The following OGFOD3 variants were observed in gnomAD, a reference collection of about 807,000 sequenced individuals.
The protein encoded by OGFOD3 is 2-oxoglutarate and iron-dependent oxygenase domain-containing protein 3.
OGFOD3 carries 35 observed loss-of-function variants against 39.8 expected under a neutral mutation model. The observed-to-expected ratio is 0.88, with a 90% CI of 0.67 to 1.17. The LOEUF (loss-of-function observed/expected upper bound fraction) is 1.17, where lower values mean the gene tolerates loss of function less well. Among genes scored for constraint, OGFOD3 ranks in the 50% most tolerant of loss-of-function variants. The probability of loss-of-function intolerance (pLI) is 0.00; values close to 1 mark genes in which losing one functional copy is unlikely to be tolerated. For missense variants in OGFOD3, 438 were observed against 454.5 expected (o/e 0.96, Z 0.33); for synonymous variants, 200 against 192.0 (o/e 1.04, Z -0.34).
chr17:82,411,410 C>G, intron 3 of OGFOD3, 45 bp downstream of exon 3: 1 of 1,555,214 alleles, frequency 6.4e-7, no homozygotes, highest in Non-Finnish European at 8.9e-7. Context: ...CCCCACTCCG[C>G]GTGTGTTTGT....
chr17:82,397,405 G>C (rs1177426290), intron 8 of OGFOD3, among the ~76,000 whole-genome samples: 2 of 122,574 alleles, frequency 1.6e-5, no homozygotes, highest in African/African-American at 3.0e-5. Context: ...AGGCAGCGGG[G>C]GGGGGGGGGT....
Position 82,404,060 on chromosome 17 carries a change from A to G in OGFOD3, c.576T>C (p.Ile192=). 1 of 1,607,322 alleles carries G rather than the reference A, an allele frequency of 6.2e-7. No homozygotes were observed. ...ATGCGCTGATGCCAAAAGCCTCAGC[A>G]ATGGTGAGCTGGACCTTCTGCCGCA... ...REVRQKVQLT[I]AEAFGISASS... The change falls in exon 7 of 9, where the codon ATT becomes ATC. Residue 192 remains isoleucine (I), a synonymous_variant. Transcript: ENST00000313056. The surrounding 1 kb of genome is among the most constrained non-coding windows in gnomAD (Gnocchi z 4.5).
intron 1 of OGFOD3, among the ~76,000 whole-genome samples, chr17:82,416,498 C>T (rs190860148): frequency 9.7e-4 from 147 of 152,062 alleles, no homozygotes; most frequent in African/African-American, 3.4e-3. Context: ...CCATCAGGGC[C>T]GCACTCCCTC....
At chr17:82,411,836 G>A (rs1312574422) in intron 2 of OGFOD3, 1 of 400,612 alleles carries the variant, frequency 2.5e-6, no homozygotes, top group African/African-American at 2.1e-5. Flanking sequence ...AACCATCACT[G>A]ACTGCAGGTC....
At position 82,418,469 on chromosome 17, in the gene OGFOD3, C is replaced by T; in HGVS notation, c.17G>A (p.Arg6Lys). 1 of 1,471,812 alleles carries T rather than the reference C, an allele frequency of 6.8e-7. No individual in the cohort carries two copies. The highest frequency in any genetic ancestry group is 9.0e-7 in the Non-Finnish European group (1 of 1,117,168). The allele number at this position is 1,471,812 out of a possible 1,614,324, so 91.2% of individuals were successfully genotyped here. A position where few individuals can be genotyped will look rare whatever the true frequency, so the allele number is the denominator to read the frequency against. Reference protein sequence around the residue: MAPQRRAATKAPEGNG... With the variant: MAPQRKAATKAPEGNG... Reference sequence around the variant, plus strand: ...GCCCTCGGGCGCCTTGGTTGCGGCCCTCCGCTGAGGAGCCATCGGACCAGG... The same window carrying T: ...GCCCTCGGGCGCCTTGGTTGCGGCCTTCCGCTGAGGAGCCATCGGACCAGG... The change falls in exon 1 of 9, where the codon AGG (arginine) becomes AAG (lysine). Residue 6 changes from arginine (R) to lysine (K), a missense_variant. Arg to Lys is a conservative substitution (Grantham distance 26). Coordinates refer to ENST00000313056, the MANE Select transcript of OGFOD3 (RefSeq NM_024648.3).
chr17:82,413,583 T>G (rs1567875318), intron 2 of OGFOD3, among the ~76,000 whole-genome samples: 1 of 152,020 alleles, frequency 6.6e-6, no homozygotes, highest in Non-Finnish European at 1.5e-5. Flanking sequence ...ATAATAAAAA[T>G]TAGAGGCCAG....
At chr17:82,418,342 G>A in intron 1 of OGFOD3, 70 bp downstream of exon 1, 1 of 552,580 alleles carries the variant, frequency 1.8e-6, no homozygotes, top group Non-Finnish European at 2.6e-6. Context: ...CGCCCCATCA[G>A]CCCCAGTCCC....
intron 1 of OGFOD3, among the ~76,000 whole-genome samples, chr17:82,417,920 C>G (rs915709404): frequency 1.3e-5 from 2 of 152,158 alleles, no homozygotes; most frequent in African/African-American, 4.8e-5. Flanking sequence ...CTAATACCTG[C>G]AAACCAATGA....
intron 8 of OGFOD3, chr17:82,396,665 G>A (rs949314821): frequency 6.6e-6 from 1 of 152,174 alleles, no homozygotes; most frequent in Non-Finnish European, 1.5e-5. Flanking sequence ...GTGTAATTTC[G>A]AGTCCCAGGA....
chr17:82,403,910 G>A (rs1488525216), intron 7 of OGFOD3, 27 bp downstream of exon 7: 3 of 1,575,014 alleles, frequency 1.9e-6, no homozygotes, highest in East Asian at 2.3e-5. Context: ...CCACGGGCAC[G>A]CTCACCCTGC....
At chr17:82,403,772 G>A in intron 7 of OGFOD3, 165 bp downstream of exon 7, 2 of 880,930 alleles carry the variant, frequency 2.3e-6, no homozygotes, top group Non-Finnish European at 1.8e-6. Context: ...CGCTCACCCT[G>A]CCCACGTGCG....
chr17:82,408,401 G>A (rs969291654), intron 4 of OGFOD3, among the ~76,000 whole-genome samples: 3 of 152,154 alleles, frequency 2.0e-5, no homozygotes, highest in African/African-American at 7.2e-5. Flanking sequence ...TGAGGAAACC[G>A]CATGGGAATT....
intron 2 of OGFOD3, among the ~76,000 whole-genome samples, chr17:82,414,054 C>A (rs1023562853): frequency 2.6e-5 from 4 of 152,192 alleles, no homozygotes; most frequent in Admixed American, 1.3e-4. Context: ...ACCTCCAGAA[C>A]TTTTCCACCT....
chr17:82,394,356 A>C, intron 8 of OGFOD3: 2 of 1,573,980 alleles, frequency 1.3e-6, no homozygotes, highest in South Asian at 1.2e-5. Context: ...AGGACTCAGC[A>C]CGGCAACCAA....
At chr17:82,418,377 G>A (rs1255445504) in intron 1 of OGFOD3, 35 bp downstream of exon 1, 32 of 1,390,338 alleles carry the variant, frequency 2.3e-5, no homozygotes, top group Non-Finnish European at 2.7e-5. Context: ...CCTGTCCGCC[G>A]CCGCAGCGCG....
intron 8 of OGFOD3, among the ~76,000 whole-genome samples, chr17:82,397,186 G>A (rs952375913): frequency 2.6e-5 from 4 of 152,050 alleles, no homozygotes; most frequent in Admixed American, 6.6e-5. Context: ...TAAACAAGCT[G>A]GAGATCTTAA....
intron 6 of OGFOD3, 69 bp downstream of exon 6, chr17:82,405,255 A>C (rs2052837166): frequency 7.2e-7 from 1 of 1,381,650 alleles, no homozygotes; most frequent in Non-Finnish European, 1.0e-6. Context: ...CGGACCGGCC[A>C]GCTCTGCCAC....
At chr17:82,399,957 T>A (rs960952274) in intron 7 of OGFOD3, among the ~76,000 whole-genome samples, 63 of 152,200 alleles carry the variant, frequency 4.1e-4, no homozygotes, top group Non-Finnish European at 2.9e-5. Flanking sequence ...GGACACCCAC[T>A]GTGCGGGCGC....
chr17:82,401,740 G>A (rs925245066), intron 7 of OGFOD3, among the ~76,000 whole-genome samples: 1 of 142,910 alleles, frequency 7.0e-6, no homozygotes, highest in East Asian at 2.1e-4. Flanking sequence ...GGAGGCAGAG[G>A]TTGCAGTGAG....
Sources: allele counts gnomAD v4.1 joint callset (sites outside exome capture counted in the v4.1 genomes callset), GRCh38; gene constraint gnomAD v4.1.1; non-coding constraint Gnocchi (gnomAD v3.1); transcripts MANE v1.5; gene names NCBI Gene and HGNC (gene_info 2026-07-23, HGNC 2026-07-21).